Variants in PACRGL observed in about 807,000 individuals in gnomAD.
PACRGL encodes the protein parkin coregulated like.
Under a neutral mutation model 34.5 loss-of-function variants are expected in PACRGL, and 38 were observed. The observed-to-expected ratio is 1.10, with a 90% CI of 0.85 to 1.44. The LOEUF (loss-of-function observed/expected upper bound fraction) is 1.44. PACRGL is among the 40% of genes most tolerant of loss of function. The probability of loss-of-function intolerance (pLI) is 0.00; values close to 1 mark genes in which losing one functional copy is unlikely to be tolerated. For synonymous variants in PACRGL, 128 were observed against 100.1 expected (o/e 1.28, Z -1.66); for missense variants, 305 against 281.4 (o/e 1.08, Z -0.60).
At chr4:20,761,884 T>C in the PACRGL span, among the ~76,000 whole-genome samples, 1 of 152,180 alleles carries the variant, frequency 6.6e-6, no homozygotes, top group African/African-American at 2.4e-5. Context: ...CCACCTTATA[T>C]TCATTACATT....
At chr4:20,742,649 T>A (rs1308608499) in intron 8 of PACRGL, among the ~76,000 whole-genome samples, 1 of 152,146 alleles carries the variant, frequency 6.6e-6, no homozygotes, top group Admixed American at 6.6e-5. Flanking sequence ...CTTTGAAAAC[T>A]GGCACAAGAC....
intron 8 of PACRGL, among the ~76,000 whole-genome samples, chr4:20,743,501 C>G (rs1466669399): frequency 6.6e-6 from 1 of 152,122 alleles, no homozygotes; most frequent in African/African-American, 2.4e-5. Flanking sequence ...ACAAACCTGA[C>G]AGAAACAAGC....
chr4:20,716,125 A>T, intron 7 of PACRGL: 1 of 1,517,134 alleles, frequency 6.6e-7, no homozygotes, highest in Non-Finnish European at 8.8e-7. Context: ...GCAGCTCATG[A>T]GGTTCCCAAG....
upstream of PACRGL, chr4:20,700,315 C>T (rs560511541): frequency 7.9e-5 from 12 of 152,410 alleles, no homozygotes. Context: ...GAGCTGCCCC[C>T]TGAACTCCTG....
At chr4:20,713,862 CA>C (rs1738517191) in intron 7 of PACRGL, among the ~76,000 whole-genome samples, 1 of 152,078 alleles carries the variant, frequency 6.6e-6, no homozygotes. Flanking sequence ...GTCTGAGAGA[CA>C]AGTTTGTTAT....
intron 7 of PACRGL, among the ~76,000 whole-genome samples, chr4:20,715,938 A>G (rs11722085): frequency 0.11 from 16,144 of 152,256 alleles, 1,112 homozygotes; most frequent in Middle Eastern, 0.19. Context: ...TTGATTAACT[A>G]TGAATGTAAG....
rs1447941114 is a variant in PACRGL, at chr4:20,729,313, A to ATGAT, written c.*1977_*1980dup. On this transcript the variant is annotated 3_prime_UTR_variant, in exon 9 of 9. Transcript: ENST00000503585. ...TGATGCCTTCTTCAACTTCCACTTA[A>ATGAT]TGATTGATACTAATGATTGATACAA... The ATGAT allele has an allele frequency of 1.3e-5, 2 of 152,108 alleles. No homozygotes were observed. Among genetic ancestry groups the ATGAT allele is most frequent in the Non-Finnish European group, 1.5e-5 (1 of 67,976 alleles). The allele number at this position is 152,108 out of a possible 1,614,324, so 9.4% of individuals were successfully genotyped here.
At position 20,731,980 on chromosome 4, in the gene PACRGL, A is replaced by C. The variant is rs753817914; in HGVS notation, c.*4639A>C. Reference sequence around the variant, plus strand: ...TTTAGCTGTTATGATAGCTGAATTGATAGTTATTACACTTTCATTACTTAC... The same window carrying C: ...TTTAGCTGTTATGATAGCTGAATTGCTAGTTATTACACTTTCATTACTTAC... On this transcript the variant is annotated 3_prime_UTR_variant, in exon 9 of 9. Transcript: ENST00000503585. The C allele has an allele frequency of 5.0e-6, 8 of 1,612,358 alleles. No homozygotes were observed. The African/African-American group carries it at 1.1e-4, about 22-fold the overall frequency.
chr4:20,712,597 G>A, intron 5 of PACRGL, 191 bp from the exon 6 acceptor site: 2 of 459,622 alleles, frequency 4.4e-6, no homozygotes, highest in Non-Finnish European at 7.1e-6. Context: ...AGTTTCCCTT[G>A]GGATACCAAG....
chr4:20,749,510 A>G (rs541905443), intron 8 of PACRGL: 17 of 525,264 alleles, frequency 3.2e-5, no homozygotes, highest in African/African-American at 3.0e-4. Flanking sequence ...ACATCTTTTG[A>G]AAGATAATTT....
chr4:20,733,030 A>C (rs1748716093), downstream of PACRGL, among the ~76,000 whole-genome samples: 1 of 152,206 alleles, frequency 6.6e-6, no homozygotes, highest in Non-Finnish European at 1.5e-5. Context: ...GCAAATTTCC[A>C]TGTATCTACC....
At chr4:20,709,824 G>T in intron 5 of PACRGL, 51 bp downstream of exon 5, 2 of 1,418,244 alleles carry the variant, frequency 1.4e-6, no homozygotes, top group Non-Finnish European at 2.0e-6. Context: ...ATTAAAAATT[G>T]CATTAAATGC....
At chr4:20,696,865 A>G (rs1731265226), upstream of PACRGL, among the ~76,000 whole-genome samples, 1 of 152,242 alleles carries the variant, frequency 6.6e-6, no homozygotes, top group Admixed American at 6.5e-5. Flanking sequence ...CTTAGCACAA[A>G]TAACAAGAAT....
At chr4:20,745,248 T>C (rs1752169128) in intron 8 of PACRGL, among the ~76,000 whole-genome samples, 1 of 152,156 alleles carries the variant, frequency 6.6e-6, no homozygotes, top group African/African-American at 2.4e-5. Context: ...CCTTTTCTAG[T>C]ATTTGTGAAC....
chr4:20,738,805 G>T (rs183019986), intron 8 of PACRGL, among the ~76,000 whole-genome samples: 27,312 of 152,106 alleles, frequency 0.18, 2,608 homozygotes, highest in Non-Finnish European at 0.22. Context: ...CCTCACCCAG[G>T]AAGCGCAAGG....
chr4:20,703,976 A>C (rs11940062), intron 1 of PACRGL, among the ~76,000 whole-genome samples: 1 of 151,902 alleles, frequency 6.6e-6, no homozygotes, highest in African/African-American at 2.4e-5. Context: ...TGACAACCTC[A>C]GTTTTAGTTA....
intron 8 of PACRGL, among the ~76,000 whole-genome samples, chr4:20,744,091 A>G (rs1361869760): frequency 2.0e-5 from 3 of 152,190 alleles, no homozygotes; most frequent in African/African-American, 2.4e-5. Flanking sequence ...TAGAATGACA[A>G]TCATTAAGAA....
At chr4:20,756,713 A>C (rs547825796), downstream of PACRGL, among the ~76,000 whole-genome samples, 1 of 151,952 alleles carries the variant, frequency 6.6e-6, no homozygotes, top group Non-Finnish European at 1.5e-5. Context: ...AATGACTCCC[A>C]TGTTGCCACA....
chr4:20,748,602 ATATTC>A lies in PACRGL; in HGVS notation c.*57-3962_*57-3958del, dbSNP rs1304543367. Among the ~76,000 whole-genome samples the A allele has an allele frequency of 7.8e-3, 916 of 117,472 alleles. 8 individuals carry two copies. The highest frequency in any genetic ancestry group is 0.048 in the East Asian group (149 of 3,136). The allele number at this position is 117,472 out of a possible 152,430, so 77.1% of individuals were successfully genotyped here. Reference sequence around the variant, plus strand: ...TATATATATATATATATATATATATATATTCCATAAGTAAATATAAATGTATATAT... The same window carrying A: ...TATATATATATATATATATATATATACATAAGTAAATATAAATGTATATAT... On this transcript the variant is annotated intron_variant, in intron 8 of 8. Coordinates refer to the PACRGL transcript ENST00000507634.
Sources: allele counts gnomAD v4.1 joint callset (sites outside exome capture counted in the v4.1 genomes callset), GRCh38; gene constraint gnomAD v4.1.1; transcripts MANE v1.5; gene names NCBI Gene and HGNC (gene_info 2026-07-23, HGNC 2026-07-21).